Variants in SEL1L2 observed in about 807,000 individuals in gnomAD.
The protein encoded by SEL1L2 is protein sel-1 homolog 2.
Under a neutral mutation model 98.8 loss-of-function variants are expected in SEL1L2, and 89 were observed. The ratio of observed to expected loss-of-function variants is 0.90; its 90% CI spans 0.76 to 1.07. The LOEUF is 1.07. SEL1L2 is among the 50% of genes least tolerant of loss of function. The pLI, the probability that SEL1L2 is intolerant of heterozygous loss-of-function variation, is 0.00. For missense variants in SEL1L2, 788 were observed against 812.0 expected (o/e 0.97, Z 0.36); for synonymous variants, 262 against 278.5 (o/e 0.94, Z 0.59).
chr20:13,951,134 G>A (rs999011059), intron 2 of SEL1L2, among the ~76,000 whole-genome samples: 42 of 151,496 alleles, frequency 2.8e-4, no homozygotes, highest in African/African-American at 6.8e-4. Flanking sequence ...AAAATTAGCC[G>A]GGTGTGGTGG....
intron 1 of SEL1L2, among the ~76,000 whole-genome samples, chr20:13,977,603 G>A (rs1357577070): frequency 6.6e-6 from 1 of 152,142 alleles, no homozygotes; most frequent in African/African-American, 2.4e-5. Flanking sequence ...AAAAAAAGTG[G>A]AGTGGAATTG....
chr20:13,927,264 T>C (rs1277165083), intron 3 of SEL1L2, among the ~76,000 whole-genome samples: 1 of 152,248 alleles, frequency 6.6e-6, no homozygotes, highest in African/African-American at 2.4e-5. Flanking sequence ...AATTTGGAGT[T>C]AGATCTAGTT....
At chr20:13,889,519 C>A (rs192823169) in intron 5 of SEL1L2, among the ~76,000 whole-genome samples, 1 of 151,984 alleles carries the variant, frequency 6.6e-6, no homozygotes, top group South Asian at 2.1e-4. Flanking sequence ...AGGCTGGGTG[C>A]GGTGGCTCAC....
intron 5 of SEL1L2, among the ~76,000 whole-genome samples, chr20:13,899,958 CT>C (rs1402146329): frequency 6.6e-6 from 1 of 151,912 alleles, no homozygotes; most frequent in East Asian, 1.9e-4. Context: ...TGAAATCTGC[CT>C]GTTTTACTCT....
intron 3 of SEL1L2, among the ~76,000 whole-genome samples, chr20:13,919,487 G>C (rs1025878077): frequency 5.9e-5 from 9 of 152,284 alleles, no homozygotes; most frequent in Admixed American, 5.9e-4. Context: ...CTTAGCCCTG[G>C]CTGGCAAAGA....
intron 1 of SEL1L2, among the ~76,000 whole-genome samples, chr20:13,988,167 G>T (rs1569095767): frequency 6.6e-6 from 1 of 151,792 alleles, no homozygotes; most frequent in Non-Finnish European, 1.5e-5. Flanking sequence ...TGAGGTGGGG[G>T]TACAAATTCA....
chr20:13,992,929 T>C (rs1230260274), upstream of SEL1L2, among the ~76,000 whole-genome samples: 1 of 152,210 alleles, frequency 6.6e-6, no homozygotes, highest in Non-Finnish European at 1.5e-5. Flanking sequence ...CATTTAAACT[T>C]AATTACTTCG....
chr20:13,907,777 T>TTTA (rs2048027032), intron 5 of SEL1L2, among the ~76,000 whole-genome samples: 1 of 150,228 alleles, frequency 6.7e-6, no homozygotes, highest in South Asian at 2.1e-4. Flanking sequence ...TTTTTTTTTC[T>TTTA]TTATTTGAGG....
intron 18 of SEL1L2, among the ~76,000 whole-genome samples, chr20:13,854,246 A>G (rs1988776147): frequency 6.6e-6 from 1 of 152,220 alleles, no homozygotes. Flanking sequence ...CATGTTACCT[A>G]GTAGGTCTAC....
chr20:13,865,520 C>A lies in SEL1L2; in HGVS notation c.1405-6G>T. The A allele has an allele frequency of 6.2e-7, 1 of 1,608,632 alleles. No individual in the cohort carries two copies. The highest frequency in any genetic ancestry group is 8.5e-7 in the Non-Finnish European group (1 of 1,177,754). On this transcript the variant is annotated splice_region_variant and splice_polypyrimidine_tract_variant and intron_variant, in intron 15 of 19. Coordinates refer to ENST00000284951, the MANE Select transcript of SEL1L2 (RefSeq NM_025229.2). ...TCACAGACACCTTTATAAAGCTGTA[C>A]ATGAGAGGAGAAATCAAGGAGACTA...
At chr20:13,884,520 TA>T (rs1474543596) in intron 10 of SEL1L2, among the ~76,000 whole-genome samples, 1 of 152,174 alleles carries the variant, frequency 6.6e-6, no homozygotes, top group Non-Finnish European at 1.5e-5. Context: ...TTTATTTTTT[TA>T]TTTTTAGAGG....
intron 18 of SEL1L2, among the ~76,000 whole-genome samples, chr20:13,856,451 C>T (rs2147740035): frequency 6.6e-6 from 1 of 152,276 alleles, no homozygotes; most frequent in East Asian, 1.9e-4. Flanking sequence ...AGTTTCATAA[C>T]AACTTGTGTG....
chr20:13,950,737 G>C (rs2050221382), intron 2 of SEL1L2, among the ~76,000 whole-genome samples: 2 of 152,154 alleles, frequency 1.3e-5, no homozygotes, highest in Admixed American at 1.3e-4. Flanking sequence ...GCTCCTGGGA[G>C]AGAAAGACCA....
chr20:13,883,182 G>A (rs2046795661), intron 10 of SEL1L2, among the ~76,000 whole-genome samples: 1 of 152,132 alleles, frequency 6.6e-6, no homozygotes, highest in Non-Finnish European at 1.5e-5. Context: ...GGGTCATTAG[G>A]CTGAGGGGAG....
At chr20:13,866,514 G>C (rs1991060479) in intron 15 of SEL1L2, among the ~76,000 whole-genome samples, 188 bp downstream of exon 15, 1 of 152,164 alleles carries the variant, frequency 6.6e-6, no homozygotes, top group Non-Finnish European at 1.5e-5. Context: ...TCTTTTCTCT[G>C]TCTCCCTTCC....
intron 2 of SEL1L2, among the ~76,000 whole-genome samples, chr20:13,951,043 G>A (rs373233228): frequency 4.0e-4 from 60 of 151,604 alleles, no homozygotes; most frequent in African/African-American, 1.1e-3. Flanking sequence ...TTGGGAGGCC[G>A]AGGCGTGCGG....
chr20:13,944,387 G>A (rs796103211), intron 2 of SEL1L2, among the ~76,000 whole-genome samples: 77 of 152,322 alleles, frequency 5.1e-4, no homozygotes, highest in African/African-American at 1.8e-3. Context: ...CCAGATGGGT[G>A]AGCTGGTGGA....
At chr20:13,921,336 T>G (rs770302405) in intron 3 of SEL1L2, among the ~76,000 whole-genome samples, 9 of 152,188 alleles carry the variant, frequency 5.9e-5, no homozygotes, top group Admixed American at 5.9e-4. Context: ...CACGCCCAGC[T>G]AATTTTTGTC....
intron 1 of SEL1L2, among the ~76,000 whole-genome samples, chr20:13,966,953 C>G (rs1486360217): frequency 7.0e-6 from 1 of 141,922 alleles, no homozygotes; most frequent in African/African-American, 2.6e-5. Context: ...ACAATCTCAG[C>G]TCGCTGCAAT....
Sources: allele counts gnomAD v4.1 joint callset (sites outside exome capture counted in the v4.1 genomes callset), GRCh38; gene constraint gnomAD v4.1.1; transcripts MANE v1.5; gene names NCBI Gene and HGNC (gene_info 2026-07-23, HGNC 2026-07-21).